Variants in CILP2 observed in about 807,000 individuals in gnomAD.
CILP2 encodes CILP-2.
Under a neutral mutation model 45.6 loss-of-function variants are expected in CILP2, and 38 were observed. The observed-to-expected ratio is 0.83, with a 90% CI of 0.64 to 1.09. The LOEUF is 1.09. Ranked by LOEUF, CILP2 falls within the 50% of genes least tolerant of loss-of-function variation. The pLI, the probability that CILP2 is intolerant of heterozygous loss-of-function variation, is 0.00. For missense variants in CILP2, 1,735 were observed against 1,662.2 expected, an observed-to-expected ratio of 1.04 and a Z score of -0.76; for synonymous variants, 780 against 723.5, an observed-to-expected ratio of 1.08 and a Z score of -1.25.
rs777415063 is a variant in CILP2 at position 19,543,364 on chromosome 19, C to T, written c.1094C>T (p.Ala365Val). 7.4e-6 allele frequency: 12 copies of T among 1,613,368 alleles called. No homozygotes were observed. Among genetic ancestry groups the T allele is most frequent in the East Asian group, 2.2e-5 (1 of 44,900 alleles). Reference sequence around the variant, plus strand: ...TACCACTGCAAGGCATGGAATGAGGCGGGTGCCGTGCGCTCGGGCACTGCC... The same window carrying T: ...TACCACTGCAAGGCATGGAATGAGGTGGGTGCCGTGCGCTCGGGCACTGCC... Reference protein sequence around the residue: ...GIYHCKAWNEAGAVRSGTARL... With the variant: ...GIYHCKAWNEVGAVRSGTARL... The change falls in exon 7 of 8, where the codon GCG becomes GTG. Residue 365 changes from alanine (A) to valine (V), a missense_variant. By Grantham distance (64) the Ala-to-Val change is moderately conservative. Coordinates refer to ENST00000291495, the MANE Select transcript of CILP2 (RefSeq NM_153221.2).
In CILP2 at chr19:19,539,957, C is replaced by A. The variant is rs182124624; in HGVS notation, c.163+180C>A. 2.0e-3 allele frequency among the ~76,000 whole-genome samples: 305 copies of A among 152,286 alleles called. 2 individuals carry two copies. Among genetic ancestry groups the A allele is most frequent in the South Asian group, 0.016 (76 of 4,816 alleles). On this transcript the variant is annotated intron_variant, in intron 2 of 7. Transcript: ENST00000291495. ...CAAGTTCAAGATCTAAGTGAGAGGC[C>A]GGTCAGACAGAGGCAAGAGCTCAGC...
In CILP2 at chr19:19,545,354, C is replaced by T. The variant is rs747546296; in HGVS notation, c.2809C>T (p.Arg937Trp). 3 of 1,612,268 alleles carry T rather than the reference C, an allele frequency of 1.9e-6. No individual in the cohort carries two copies. The highest frequency in any genetic ancestry group is 2.2e-5 in the East Asian group (1 of 44,824). ...CTGGTGGCCCAACCCGCAGGAGTTC[C>T]GGGCCTGCTTCCTCAAGGTGAAGAT... The part of the protein sequence containing the change: ...LAWWPNPQEF[R>W]ACFLKVKIQG... Residue 937 changes from arginine to tryptophan, a missense_variant, in exon 8 of 8, where the codon CGG becomes TGG. Physicochemically the swap from Arg to Trp is moderately radical, Grantham distance 101. Transcript: ENST00000291495.
chr19:19,542,836 C>T, intron 5 of CILP2, 28 bp from the exon 6 acceptor site: 1 of 1,583,160 alleles, frequency 6.3e-7, no homozygotes, highest in Non-Finnish European at 8.7e-7. Context: ...GTGGGAGAAG[C>T]TCTGATCTTT....
intron 4 of CILP2, among the ~76,000 whole-genome samples, chr19:19,542,173 T>C (rs77427798): frequency 0.16 from 24,153 of 152,176 alleles, 2,025 homozygotes; most frequent in Middle Eastern, 0.28. Context: ...CCAGTTCCTA[T>C]GCCCTGGCCC....
chr19:19,545,705 C>T lies in CILP2; in HGVS notation c.3160C>T (p.Pro1054Ser), dbSNP rs774060497. ...CTTCTCCATGCTGGCCCCCCTAGACCCTCTGGGCCACAACTATGGCGTCTA... is the reference window on the plus strand; with the variant it reads ...CTTCTCCATGCTGGCCCCCCTAGACTCTCTGGGCCACAACTATGGCGTCTA... The part of the protein sequence containing the change: ...AAFSMLAPLD[P>S]LGHNYGVYTV... Residue 1054 changes from proline to serine, a missense_variant, in exon 8 of 8, where the codon CCT (proline) becomes TCT (serine). Coordinates refer to ENST00000291495, the MANE Select transcript of CILP2 (RefSeq NM_153221.2). 4 of 1,612,830 alleles carry T rather than the reference C, an allele frequency of 2.5e-6. No individual in the cohort carries two copies. In the Admixed American group the frequency reaches 6.7e-5, roughly 27 times the overall value.
chr19:19,541,099 TG>T lies in CILP2; in HGVS notation c.449del (p.Gly150AlafsTer75). 1 of 1,261,812 alleles carries T rather than the reference TG, an allele frequency of 7.9e-7. No homozygotes were observed. The highest frequency in any genetic ancestry group is 1.0e-6 in the Non-Finnish European group (1 of 1,003,248). 78.2% of individuals were successfully genotyped at this position (1,261,812 alleles called of 1,614,324 possible). A position where few individuals can be genotyped will look rare whatever the true frequency, so the allele number is the denominator to read the frequency against. On this transcript the variant is annotated frameshift_variant, in exon 4 of 8. Coordinates refer to ENST00000291495, the MANE Select transcript of CILP2 (RefSeq NM_153221.2). LOFTEE classifies it high-confidence loss of function. The part of the protein sequence containing the change: ...VRFRCPLEAS[W>X]GAWGPWGPCS... The stretch of plus-strand genomic sequence containing the variant: ...GTCCCTGCCTTCCGCAGAAGCCTCG[TG>T]GGGCGCGTGGGGCCCGTGGGGTCCC...
At position 19,545,987 on chromosome 19, in the gene CILP2, C is replaced by G. The variant is rs372029398; in HGVS notation, c.3442C>G (p.Arg1148Gly). The change falls in exon 8 of 8, where the codon CGC becomes GGC. Residue 1148 changes from arginine (R) to glycine (G), a missense_variant. Coordinates refer to ENST00000291495, the MANE Select transcript of CILP2 (RefSeq NM_153221.2). ...ACAGGCCCGGGCCTCAGGTCCCCTC[C>G]GCACCCGCCGGGGTAGGGTCCGGCA... is the stretch of plus-strand genomic sequence containing the variant. ...QAQARASGPL[R>G]TRRGRVRQ is the part of the protein sequence containing the mutation. The G allele has an allele frequency of 1.1e-4, 161 of 1,507,784 alleles. No homozygotes were observed. The African/African-American group carries it at 2.0e-3, about 18-fold the overall frequency. 93.4% of individuals were successfully genotyped at this position (1,507,784 alleles called of 1,614,324 possible).
chr19:19,539,015 G>A (rs2061232837), intron 1 of CILP2, among the ~76,000 whole-genome samples: 1 of 152,220 alleles, frequency 6.6e-6, no homozygotes, highest in Non-Finnish European at 1.5e-5. Context: ...CCAGCCTGAG[G>A]GCAGAGGCAC....
At position 19,543,788 on chromosome 19, in the gene CILP2, T is replaced by C; in HGVS notation, c.1243T>C (p.Cys415Arg). 1 of 1,613,922 alleles carries C rather than the reference T, an allele frequency of 6.2e-7. No homozygotes were observed. The highest frequency in any genetic ancestry group is 8.5e-7 in the Non-Finnish European group (1 of 1,179,964). ...CCCTGCCTACCTGGATGTGGGCCTC[T>C]GTCCCGACACCCGCTGCCCCAGCCT... ...SGPAYLDVGL[C>R]PDTRCPSLAG... The change falls in exon 8 of 8, where the codon TGT becomes CGT. Residue 415 changes from cysteine (C) to arginine (R), a missense_variant. By Grantham distance (180) the Cys-to-Arg change is radical. Coordinates refer to ENST00000291495, the MANE Select transcript of CILP2 (RefSeq NM_153221.2).
At position 19,540,464 on chromosome 19, in the gene CILP2, C is replaced by G; in HGVS notation, c.424C>G (p.Arg142Gly). Residue 142 changes from arginine (R) to glycine (G), a missense_variant, in exon 3 of 8, where the codon CGC becomes GGC. By Grantham distance (125) the Arg-to-Gly change is moderately radical (BLOSUM62 -2). Coordinates refer to ENST00000291495, the MANE Select transcript of CILP2 (RefSeq NM_153221.2). ...CTGCTCCAACTACCACGTGCGCTTC[C>G]GCTGCCCACTAGGTGAGGGCGGGGC... is the stretch of plus-strand genomic sequence containing the variant. Reference protein sequence around the residue: ...RRCSNYHVRFRCPLEASWGAW... With the variant: ...RRCSNYHVRFGCPLEASWGAW... The G allele has an allele frequency of 9.3e-6, 13 of 1,400,140 alleles. No homozygotes were observed. The highest frequency in any genetic ancestry group is 1.2e-5 in the Non-Finnish European group (13 of 1,075,094). The allele number at this position is 1,400,140 out of a possible 1,614,324, so 86.7% of individuals were successfully genotyped here.
In CILP2 at chr19:19,542,502, C is replaced by T. The variant is rs749296323; in HGVS notation, c.720C>T (p.Ser240=). Residue 240 remains serine (S), a synonymous_variant, in exon 5 of 8, where the codon AGC becomes AGT. Coordinates refer to ENST00000291495, the MANE Select transcript of CILP2 (RefSeq NM_153221.2). The part of the protein sequence containing the change: ...LRDQPGTVAT[S]DAHGTFRVPG... ...ACCAGCCTGGCACTGTGGCCACCAG[C>T]GATGCTCACGGAACCTTCCGGGTGC... 4.3e-6 allele frequency: 7 copies of T among 1,613,798 alleles called. No individual in the cohort carries two copies. Among genetic ancestry groups the T allele is most frequent in the East Asian group, 4.5e-5 (2 of 44,882 alleles).
Position 19,544,193 on chromosome 19 carries a change from G to A in CILP2, c.1648G>A (p.Glu550Lys), listed in dbSNP as rs2144678892. 4 of 1,613,782 alleles carry A rather than the reference G, an allele frequency of 2.5e-6. No homozygotes were observed. The highest frequency in any genetic ancestry group is 1.3e-5 in the African/African-American group (1 of 75,054). Residue 550 changes from glutamate (E) to lysine (K), a missense_variant, in exon 8 of 8, where the codon GAG becomes AAG. Transcript: ENST00000291495. Reference protein sequence around the residue: ...FDPRGAGVYHEVKAMRKKAPV... With the variant: ...FDPRGAGVYHKVKAMRKKAPV... The stretch of plus-strand genomic sequence containing the variant: ...TCCTCGAGGTGCCGGCGTGTACCAC[G>A]AGGTCAAGGCCATGCGGAAGAAAGC...
In CILP2 at chr19:19,543,891, A is replaced by G. The variant is rs771785094; in HGVS notation, c.1346A>G (p.His449Arg). The G allele has an allele frequency of 6.2e-7, 1 of 1,613,800 alleles. No homozygotes were observed. Among genetic ancestry groups the G allele is most frequent in the South Asian group, 1.1e-5 (1 of 91,082 alleles). Reference protein sequence around the residue: ...SVRRLERREIHCPGYVLPVKV... With the variant: ...SVRRLERREIRCPGYVLPVKV... ...CGCCGTCTGGAGAGAAGGGAGATTCACTGCCCTGGCTACGTCCTCCCAGTG... is the reference window on the plus strand; with the variant it reads ...CGCCGTCTGGAGAGAAGGGAGATTCGCTGCCCTGGCTACGTCCTCCCAGTG... The change falls in exon 8 of 8, where the codon CAC (histidine) becomes CGC (arginine). Residue 449 changes from histidine (H) to arginine (R), a missense_variant. Physicochemically the swap from His to Arg is conservative, Grantham distance 29. Transcript: ENST00000291495.
intron 1 of CILP2, 81 bp from the exon 2 acceptor site, chr19:19,539,598 G>C: frequency 7.4e-6 from 7 of 945,472 alleles, no homozygotes; most frequent in Non-Finnish European, 1.1e-5. Flanking sequence ...GATGATCGTG[G>C]CTGCACCTTG....
rs2061239338 is a variant in CILP2 at position 19,540,451 on chromosome 19, C to T, written c.411C>T (p.Tyr137=). ...CGCGTGGCCGCCGCTGCTCCAACTA[C>T]CACGTGCGCTTCCGCTGCCCACTAG... is the stretch of plus-strand genomic sequence containing the variant. ...EQPRGRRCSN[Y]HVRFRCPLEA... The change falls in exon 3 of 8, where the codon TAC becomes TAT. Residue 137 remains tyrosine (Y), a synonymous_variant. Transcript: ENST00000291495. 2.1e-6 allele frequency: 3 copies of T among 1,450,142 alleles called. No homozygotes were observed. Among genetic ancestry groups the T allele is most frequent in the Non-Finnish European group, 9.0e-7 (1 of 1,105,308 alleles). The allele number at this position is 1,450,142 out of a possible 1,614,324, so 89.8% of individuals were successfully genotyped here. A position where few individuals can be genotyped will look rare whatever the true frequency, so the allele number is the denominator to read the frequency against.
chr19:19,544,913 G>GGCGCCT lies in CILP2; in HGVS notation c.2371_2376dup (p.Ala791_Cys792dup). The stretch of plus-strand genomic sequence containing the variant: ...TGACAGCGCGGTCACCGGCCCCAAT[G>GGCGCCT]GCGCCTGCCTCCCCGCCTTCTGCGA... On this transcript the variant is annotated inframe_insertion, in exon 8 of 8. Transcript: ENST00000291495. 1 of 1,589,926 alleles carries GGCGCCT rather than the reference G, an allele frequency of 6.3e-7. No individual in the cohort carries two copies. The highest frequency in any genetic ancestry group is 8.5e-7 in the Non-Finnish European group (1 of 1,175,716).
At chr19:19,540,071 C>G in intron 2 of CILP2, 133 bp from the exon 3 acceptor site, 1 of 1,262,996 alleles carries the variant, frequency 7.9e-7, no homozygotes, top group Non-Finnish European at 1.0e-6. Flanking sequence ...AGGCCGCTGG[C>G]TCGGGTCGTG....
rs955141256 is a variant in CILP2 at position 19,546,325 on chromosome 19, G to A, written c.*309G>A. On this transcript the variant is annotated 3_prime_UTR_variant, in exon 8 of 8. Coordinates refer to ENST00000291495, the MANE Select transcript of CILP2 (RefSeq NM_153221.2). ...AGAAGCCGTCTCTGACTTCTCGTGC[G>A]TATTTTGACCCTGATTTCAATCTTC... 3.8e-5 allele frequency: 10 copies of A among 261,190 alleles called. No individual in the cohort carries two copies. In the South Asian group the frequency reaches 6.2e-4, roughly 16 times the overall value. 16.2% of individuals were successfully genotyped at this position (261,190 alleles called of 1,614,324 possible).
At position 19,544,257 on chromosome 19, in the gene CILP2, C is replaced by G. The variant is rs1161055220; in HGVS notation, c.1712C>G (p.Pro571Arg). The G allele has an allele frequency of 6.2e-7, 1 of 1,613,810 alleles. No homozygotes were observed. The highest frequency in any genetic ancestry group is 8.5e-7 in the Non-Finnish European group (1 of 1,180,014). ...ILHTSQSNTI[P>R]LGELEDEAPL... is the part of the protein sequence containing the mutation. ...CATACCAGCCAGAGCAACACGATCCCCCTGGGCGAGCTGGAAGATGAGGCG... is the reference window on the plus strand; with the variant it reads ...CATACCAGCCAGAGCAACACGATCCGCCTGGGCGAGCTGGAAGATGAGGCG... Residue 571 changes from proline (P) to arginine (R), a missense_variant, in exon 8 of 8, where the codon CCC becomes CGC. Physicochemically the swap from Pro to Arg is moderately radical, Grantham distance 103. Coordinates refer to ENST00000291495, the MANE Select transcript of CILP2 (RefSeq NM_153221.2).
Sources: allele counts gnomAD v4.1 joint callset (sites outside exome capture counted in the v4.1 genomes callset), GRCh38; gene constraint gnomAD v4.1.1; transcripts MANE v1.5; gene names NCBI Gene and HGNC (gene_info 2026-07-23, HGNC 2026-07-21).